DOCK3: variants seen among roughly 807,000 people sequenced by gnomAD.
DOCK3 encodes the protein dedicator of cytokinesis protein 3.
DOCK3 carries 60 observed loss-of-function variants against 265.6 expected under a neutral mutation model. The observed-to-expected ratio is 0.23, with a 90% CI of 0.18 to 0.28. The LOEUF is 0.28. DOCK3 is among the 10% of genes least tolerant of loss of function. DOCK3 has a pLI of 1.00. For synonymous variants in DOCK3, 881 were observed against 938.0 expected, an observed-to-expected ratio of 0.94 and a Z score of 1.11; for missense variants, 1,981 against 2,594.3, an observed-to-expected ratio of 0.76 and a Z score of 5.14.
intron 5 of DOCK3, among the ~76,000 whole-genome samples, chr3:50,983,130 GGCCCCCTCTGGACTTTGGGT>G (rs960817698): frequency 9.2e-5 from 14 of 152,108 alleles, no homozygotes; most frequent in African/African-American, 3.4e-4. Context: ...CTGCTGCCTC[GGCCCCCTCTGGACTTTGGGT>G]GCCCCCTCTG....
chr3:51,300,748 A>G (rs998110990), intron 27 of DOCK3, among the ~76,000 whole-genome samples: 1 of 152,214 alleles, frequency 6.6e-6, no homozygotes, highest in African/African-American at 2.4e-5. Context: ...CCCAGGGATG[A>G]AGCCAACCTG....
intron 23 of DOCK3, among the ~76,000 whole-genome samples, chr3:51,267,929 G>A (rs992630401): frequency 2.6e-5 from 4 of 152,098 alleles, no homozygotes; most frequent in African/African-American, 9.7e-5. Flanking sequence ...TTCATAAGTG[G>A]GAGGTAAACA....
chr3:50,799,800 G>A (rs1559653280), intron 2 of DOCK3, among the ~76,000 whole-genome samples: 1 of 152,032 alleles, frequency 6.6e-6, no homozygotes, highest in African/African-American at 2.4e-5. Context: ...AAAGCTTTCA[G>A]TTTTTTCCCC....
intron 9 of DOCK3, among the ~76,000 whole-genome samples, chr3:51,104,682 T>C (rs1209992351): frequency 6.6e-6 from 1 of 152,234 alleles, no homozygotes; most frequent in Admixed American, 6.5e-5. Flanking sequence ...AGATTTACTT[T>C]AGTAAACACT....
At chr3:50,817,490 T>G (rs2044154917) in intron 2 of DOCK3, among the ~76,000 whole-genome samples, 1 of 151,246 alleles carries the variant, frequency 6.6e-6, no homozygotes, top group Non-Finnish European at 1.5e-5. Flanking sequence ...GAGACAGAGG[T>G]CCCCCTGTGT....
intron 12 of DOCK3, among the ~76,000 whole-genome samples, chr3:51,180,207 C>CA (rs769429969): frequency 0.75 from 82,947 of 111,234 alleles, 31,831 homozygotes; most frequent in Non-Finnish European, 0.85. Context: ...GACCCTGTCT[C>CA]AAAAAAAAAA....
intron 21 of DOCK3, among the ~76,000 whole-genome samples, chr3:51,244,512 G>A (rs1484687401): frequency 6.6e-6 from 1 of 151,966 alleles, no homozygotes; most frequent in African/African-American, 2.4e-5. Context: ...AAATGCATTT[G>A]ATTTTTTGTG....
chr3:50,945,773 G>T (rs549225038), intron 5 of DOCK3, among the ~76,000 whole-genome samples: 2 of 152,216 alleles, frequency 1.3e-5, no homozygotes, highest in South Asian at 4.1e-4. Context: ...GAATTTAGGG[G>T]AATATCATAT....
chr3:50,953,088 T>C (rs906091720), intron 5 of DOCK3, among the ~76,000 whole-genome samples: 1 of 152,164 alleles, frequency 6.6e-6, no homozygotes, highest in African/African-American at 2.4e-5. Context: ...TTTTTTTCAG[T>C]TGATGCATGT....
intron 2 of DOCK3, among the ~76,000 whole-genome samples, chr3:50,796,044 A>G (rs1247626134): frequency 7.2e-6 from 1 of 138,046 alleles, no homozygotes; most frequent in Non-Finnish European, 1.6e-5. Flanking sequence ...TGGTGTGGTT[A>G]TTTTTTTTTT....
chr3:50,765,734 C>T (rs1695464839), intron 1 of DOCK3, among the ~76,000 whole-genome samples: 1 of 152,160 alleles, frequency 6.6e-6, no homozygotes, highest in Non-Finnish European at 1.5e-5. Flanking sequence ...GGTTTTCCAT[C>T]ACCTCAAGCA....
chr3:51,058,332 G>A (rs2081276170), intron 5 of DOCK3, among the ~76,000 whole-genome samples: 1 of 152,146 alleles, frequency 6.6e-6, no homozygotes, highest in African/African-American at 2.4e-5. Flanking sequence ...GGGTATCAAA[G>A]TCACATTATT....
chr3:50,958,938 T>G (rs778587376), intron 5 of DOCK3, among the ~76,000 whole-genome samples: 1 of 152,144 alleles, frequency 6.6e-6, no homozygotes, highest in Non-Finnish European at 1.5e-5. Context: ...ACCCATAAAA[T>G]TCATTCATTT....
chr3:50,733,550 T>A (rs765633129), intron 1 of DOCK3, among the ~76,000 whole-genome samples: 2 of 152,226 alleles, frequency 1.3e-5, no homozygotes, highest in Non-Finnish European at 2.9e-5. Context: ...TCTTGCTCTC[T>A]TTTGGTTTTC....
At chr3:50,859,940 C>T (rs767672903) in intron 3 of DOCK3, among the ~76,000 whole-genome samples, 6 of 152,186 alleles carry the variant, frequency 3.9e-5, no homozygotes, top group Non-Finnish European at 7.3e-5. Context: ...TGGCTGCCCA[C>T]TGCAGCTCTG....
At chr3:51,155,959 A>G (rs967693233) in intron 10 of DOCK3, among the ~76,000 whole-genome samples, 1 of 152,212 alleles carries the variant, frequency 6.6e-6, no homozygotes, top group Non-Finnish European at 1.5e-5. Context: ...TGACCAACTC[A>G]GAGAATGAAT....
chr3:50,721,648 T>A (rs1427963510), intron 1 of DOCK3, among the ~76,000 whole-genome samples: 1 of 152,238 alleles, frequency 6.6e-6, no homozygotes, highest in Non-Finnish European at 1.5e-5. Context: ...CCAGCTTTGT[T>A]CTTTGCTTAG....
intron 5 of DOCK3, among the ~76,000 whole-genome samples, chr3:50,983,607 T>C (rs1486023860): frequency 6.6e-6 from 1 of 152,104 alleles, no homozygotes; most frequent in Non-Finnish European, 1.5e-5. Flanking sequence ...CTCATTGGGA[T>C]ACCCTTGCTG....
intron 1 of DOCK3, among the ~76,000 whole-genome samples, chr3:50,744,133 T>A (rs942318733): frequency 2.0e-5 from 3 of 152,210 alleles, no homozygotes; most frequent in African/African-American, 7.2e-5. Flanking sequence ...AAATTGTTTG[T>A]ATTTTGATGA....
Sources: allele counts gnomAD v4.1 joint callset (sites outside exome capture counted in the v4.1 genomes callset), GRCh38; gene constraint gnomAD v4.1.1; transcripts MANE v1.5; gene names NCBI Gene and HGNC (gene_info 2026-07-23, HGNC 2026-07-21).